Variants in TGOLN2 observed in about 807,000 individuals in gnomAD.
The protein encoded by TGOLN2 is trans-Golgi network integral membrane protein 2.
Under a neutral mutation model 31.3 loss-of-function variants are expected in TGOLN2, and 19 were observed. That is an observed-to-expected ratio of 0.61 (90% confidence interval 0.42 to 0.89). The LOEUF (loss-of-function observed/expected upper bound fraction) is 0.89, where lower values mean the gene tolerates loss of function less well. Among genes scored for constraint, TGOLN2 ranks in the 40% least tolerant of loss-of-function variants. TGOLN2 has a pLI of 0.00. For synonymous variants in TGOLN2, 222 were observed against 226.7 expected (o/e 0.98, Z 0.19); for missense variants, 540 against 559.2 (o/e 0.97, Z 0.35).
In TGOLN2 at chr2:85,324,893, G is replaced by A. The variant is rs932598290; in HGVS notation, c.1308+22C>T. On this transcript the variant is annotated intron_variant, in intron 3 of 3. Coordinates refer to ENST00000377386, the MANE Select transcript of TGOLN2 (RefSeq NM_006464.4). ...GCCTATCCCTCCTATCCCTCCCATGGACCTGGCTCCTCCTTCCTTACCTTC... is the reference window on the plus strand; with the variant it reads ...GCCTATCCCTCCTATCCCTCCCATGAACCTGGCTCCTCCTTCCTTACCTTC... 1.9e-6 allele frequency: 3 copies of A among 1,551,528 alleles called. No individual in the cohort carries two copies. The African/African-American group carries it at 4.1e-5, about 21-fold the overall frequency.
At chr2:85,323,188 G>C (rs1209759239) in intron 3 of TGOLN2, among the ~76,000 whole-genome samples, 1 of 152,176 alleles carries the variant, frequency 6.6e-6, no homozygotes, top group Non-Finnish European at 1.5e-5. Flanking sequence ...GACTGATCTA[G>C]AACTCCTGAC....
At chr2:85,322,800 C>CT (rs1558670279) in intron 3 of TGOLN2, 59 bp from the exon 4 acceptor site, 1 of 1,590,044 alleles carries the variant, frequency 6.3e-7, no homozygotes, top group African/African-American at 1.4e-5. Context: ...TTAAGACATA[C>CT]TGACCCACCA....
Position 85,322,448 on chromosome 2 carries a change from A to C in TGOLN2, c.*288T>G. ...CCCTCCACTCACCCTCAGAGGAGGA[A>C]CGGATGGAAGCCACCAGCATAAATA... On this transcript the variant is annotated 3_prime_UTR_variant, in exon 4 of 4. Transcript: ENST00000377386. The C allele has an allele frequency of 7.7e-6, 4 of 521,574 alleles. No homozygotes were observed. Among genetic ancestry groups the C allele is most frequent in the East Asian group, 3.9e-5 (1 of 25,826 alleles). 32.3% of individuals were successfully genotyped at this position (521,574 alleles called of 1,614,324 possible). A position where few individuals can be genotyped will look rare whatever the true frequency, so the allele number is the denominator to read the frequency against.
At chr2:85,324,231 T>C (rs1293359007) in intron 3 of TGOLN2, among the ~76,000 whole-genome samples, 1 of 152,092 alleles carries the variant, frequency 6.6e-6, no homozygotes, top group African/African-American at 2.4e-5. Flanking sequence ...GAGACCAGCC[T>C]GACCAACATG....
Position 85,318,242 on chromosome 2 carries a change from T to C in TGOLN2, c.*4494A>G, listed in dbSNP as rs1682436679. ...GTGGAAACAGTGACCATCTATTAAC[T>C]GGGAAAACACAAAAGAAGAGAAACA... On this transcript the variant is annotated 3_prime_UTR_variant, in exon 4 of 4. Coordinates refer to ENST00000377386, the MANE Select transcript of TGOLN2 (RefSeq NM_006464.4). The C allele has an allele frequency of 6.6e-6, 1 of 152,182 alleles. No individual in the cohort carries two copies. The highest frequency in any genetic ancestry group is 1.5e-5 in the Non-Finnish European group (1 of 68,036). 9.4% of individuals were successfully genotyped at this position (152,182 alleles called of 1,614,324 possible).
chr2:85,324,831 G>A, intron 3 of TGOLN2, 84 bp downstream of exon 3: 1 of 1,272,356 alleles, frequency 7.9e-7, no homozygotes, highest in East Asian at 2.5e-5. Context: ...GCTGCTTCAT[G>A]GCAAATGCAA....
chr2:85,324,643 A>G (rs1377221144), intron 3 of TGOLN2: 3 of 472,252 alleles, frequency 6.4e-6, no homozygotes, highest in African/African-American at 4.0e-5. Flanking sequence ...AAAAAAAAAA[A>G]GAGTGTTTCT....
rs1682492629 is a variant in TGOLN2 at position 85,319,953 on chromosome 2, G to A, written c.*2783C>T. On this transcript the variant is annotated 3_prime_UTR_variant, in exon 4 of 4. Transcript: ENST00000377386. ...ATGATGAAGAGCTGGTGGAGCTGAG[G>A]GAAAGAGTCAACCATGTGGGGTGGG... 6.6e-6 allele frequency: 1 copy of A among 152,432 alleles called. No individual in the cohort carries two copies. Among genetic ancestry groups the A allele is most frequent in the African/African-American group, 2.4e-5 (1 of 41,452 alleles). The allele number at this position is 152,432 out of a possible 1,614,324, so 9.4% of individuals were successfully genotyped here. A position where few individuals can be genotyped will look rare whatever the true frequency, so the allele number is the denominator to read the frequency against.
chr2:85,327,378 G>A lies in TGOLN2; in HGVS notation c.354C>T (p.Thr118=), dbSNP rs578201153. 3.1e-6 allele frequency: 5 copies of A among 1,609,820 alleles called. No homozygotes were observed. In the African/African-American group the frequency reaches 6.8e-5, roughly 22 times the overall value. ...STSKSGSEAQ[T]TKDSTSKSHP... ...GCGACTTACTAGTGCTGTCTTTTGT[G>A]GTCTGCGCCTCCGAACCCGACTTGC... The change falls in exon 2 of 4, where the codon ACC becomes ACT. Residue 118 remains threonine (T), a synonymous_variant. Coordinates refer to ENST00000377386, the MANE Select transcript of TGOLN2 (RefSeq NM_006464.4).
Position 85,324,586 on chromosome 2 carries a change from T to A in TGOLN2, c.1308+329A>T, listed in dbSNP as rs541500400. On this transcript the variant is annotated intron_variant, in intron 3 of 3. Transcript: ENST00000377386. ...GGACTGGGAGACTAGGGAGTTGCTATCAGGTCCTGAGTTTGCCACTAACTT... is the reference window on the plus strand; with the variant it reads ...GGACTGGGAGACTAGGGAGTTGCTAACAGGTCCTGAGTTTGCCACTAACTT... 2.1e-5 allele frequency: 9 copies of A among 421,528 alleles called. 1 individual carries two copies. The South Asian group carries it at 4.1e-4, about 19-fold the overall frequency. 26.1% of individuals were successfully genotyped at this position (421,528 alleles called of 1,614,324 possible).
In TGOLN2 at chr2:85,326,873, C is replaced by G; in HGVS notation, c.859G>C (p.Gly287Arg). Residue 287 changes from glycine to arginine, a missense_variant, in exon 2 of 4, where the codon GGG becomes CGG. Gly to Arg is a moderately radical substitution (Grantham distance 125, BLOSUM62 -2). Transcript: ENST00000377386. ...TTGAAAGCATGAGGAGAAAGCTTCC[C>G]TTTGTCAGCAAGCTGGTTTGTGTCA... is the stretch of plus-strand genomic sequence containing the variant. The part of the protein sequence containing the change: ...KADTNQLADK[G>R]KLSPHAFKTE... The G allele has an allele frequency of 6.2e-7, 1 of 1,614,004 alleles. No homozygotes were observed. The highest frequency in any genetic ancestry group is 8.5e-7 in the Non-Finnish European group (1 of 1,179,892).
intron 2 of TGOLN2, among the ~76,000 whole-genome samples, chr2:85,325,991 C>T (rs1467945710): frequency 6.6e-6 from 1 of 152,198 alleles, no homozygotes; most frequent in Non-Finnish European, 1.5e-5. Flanking sequence ...CGTGTCTGTG[C>T]AATTTCTGGG....
intron 3 of TGOLN2, 62 bp downstream of exon 3, chr2:85,324,853 G>T: frequency 1.4e-6 from 2 of 1,432,244 alleles, no homozygotes; most frequent in Non-Finnish European, 1.9e-6. Flanking sequence ...CCCACTACTG[G>T]GTCCATCTGA....
At chr2:85,323,483 T>C (rs1220509711) in intron 3 of TGOLN2, among the ~76,000 whole-genome samples, 1 of 152,134 alleles carries the variant, frequency 6.6e-6, no homozygotes, top group Non-Finnish European at 1.5e-5. Context: ...GGAGAACTGC[T>C]TGAACCCGGG....
Position 85,327,410 on chromosome 2 carries a change from T to C in TGOLN2, c.322A>G (p.Ser108Gly), listed in dbSNP as rs760472958. Residue 108 changes from serine (S) to glycine (G), a missense_variant, in exon 2 of 4, where the codon AGC (serine) becomes GGC (glycine). Coordinates refer to ENST00000377386, the MANE Select transcript of TGOLN2 (RefSeq NM_006464.4). ...SGAEAKTQKG[S>G]TSKSGSEAQT... Reference sequence around the variant, plus strand: ...GCCTCCGAACCCGACTTGCTAGTGCTGCCTTTTTGGGTCTTTGCCTCCGCA... The same window carrying C: ...GCCTCCGAACCCGACTTGCTAGTGCCGCCTTTTTGGGTCTTTGCCTCCGCA... 4.4e-6 allele frequency: 7 copies of C among 1,607,890 alleles called. No homozygotes were observed. The highest frequency in any genetic ancestry group is 8.5e-7 in the Non-Finnish European group (1 of 1,178,272).
chr2:85,326,839 G>A lies in TGOLN2; in HGVS notation c.893C>T (p.Ser298Phe), dbSNP rs771808609. Residue 298 changes from serine to phenylalanine, a missense_variant, in exon 2 of 4, where the codon TCT becomes TTT. By Grantham distance (155) the Ser-to-Phe change is radical. Transcript: ENST00000377386. ...KLSPHAFKTESGEETDLISPP... is the reference protein window; with the variant it reads ...KLSPHAFKTEFGEETDLISPP... ...AGAAATGAGGTCAGTTTCCTCCCCAGATTCGGTTTTGAAAGCATGAGGAGA... is the reference window on the plus strand; with the variant it reads ...AGAAATGAGGTCAGTTTCCTCCCCAAATTCGGTTTTGAAAGCATGAGGAGA... 6.2e-7 allele frequency: 1 copy of A among 1,614,048 alleles called. No homozygotes were observed. Among genetic ancestry groups the A allele is most frequent in the Non-Finnish European group, 8.5e-7 (1 of 1,179,898 alleles).
chr2:85,325,539 G>A (rs140831156), intron 2 of TGOLN2, among the ~76,000 whole-genome samples: 11 of 152,040 alleles, frequency 7.2e-5, no homozygotes. Context: ...GTGCAATGGC[G>A]TGATCATGGC....
At chr2:85,326,064 G>A (rs946272678) in intron 2 of TGOLN2, among the ~76,000 whole-genome samples, 4 of 151,692 alleles carry the variant, frequency 2.6e-5, no homozygotes, top group Admixed American at 2.0e-4. Flanking sequence ...TATCGAAGAC[G>A]CAGTAATTGA....
rs1266740230 is a variant in TGOLN2 at position 85,321,463 on chromosome 2, C to G, written c.*1273G>C. On this transcript the variant is annotated 3_prime_UTR_variant, in exon 4 of 4. Transcript: ENST00000377386. The stretch of plus-strand genomic sequence containing the variant: ...GTTATTTGTATTTCCCTGAGATCAG[C>G]TCAGAAACAACTCTCTTTAGGCTCT... 6.6e-6 allele frequency: 1 copy of G among 152,662 alleles called. No homozygotes were observed. Among genetic ancestry groups the G allele is most frequent in the Non-Finnish European group, 1.5e-5 (1 of 68,044 alleles). The allele number at this position is 152,662 out of a possible 1,614,324, so 9.5% of individuals were successfully genotyped here. A position where few individuals can be genotyped will look rare whatever the true frequency, so the allele number is the denominator to read the frequency against.
Sources: gnomAD v4.1 joint callset for allele counts (sites outside exome capture counted in the v4.1 genomes callset) on GRCh38, gnomAD v4.1.1 for gene constraint, MANE v1.5 for transcripts, NCBI Gene and HGNC (gene_info 2026-07-23, HGNC 2026-07-21) for gene names.